LAS1L: variants seen among roughly 807,000 people sequenced by gnomAD.
LAS1L encodes the protein ribosomal biogenesis protein LAS1L.
Under a neutral mutation model 57.3 loss-of-function variants are expected in LAS1L, and 5 were observed. That is an observed-to-expected ratio of 0.09 (90% CI 0.05 to 0.18). The LOEUF is 0.18. Ranked by LOEUF, LAS1L falls within the 10% of genes least tolerant of loss-of-function variation. The pLI is 1.00. For synonymous variants in LAS1L, 245 were observed against 231.7 expected (o/e 1.06, Z -0.52); for missense variants, 360 against 568.3 (o/e 0.63, Z 3.73).
At chrX:65,523,966 C>A in intron 10 of LAS1L, 90 bp downstream of exon 10, 1 of 932,091 alleles carries the variant, frequency 1.1e-6, no homozygotes, top group Non-Finnish European at 1.5e-6. Flanking sequence ...AGGTGTTTGC[C>A]TGGTGCTTCT....
At chrX:65,520,120 C>A (rs777387424) in intron 11 of LAS1L, among the ~76,000 whole-genome samples, 2 of 111,516 alleles carry the variant, frequency 1.8e-5, no homozygotes, top group African/African-American at 6.5e-5. Context: ...CACTAAGGTG[C>A]GGGGGTGATG....
chrX:65,520,637 G>C, intron 11 of LAS1L: 1 of 754,563 alleles, frequency 1.3e-6, no homozygotes, highest in Non-Finnish European at 1.6e-6. Context: ...CTGTGTAACG[G>C]GGTGATTAGG....
Position 65,529,301 on chromosome X carries a change from C to A in LAS1L, c.800-43G>T, listed in dbSNP as rs1204746398. 5 of 1,072,541 alleles carry A rather than the reference C, an allele frequency of 4.7e-6. No individual in the cohort carries two copies. The East Asian group carries it at 1.5e-4, about 32-fold the overall frequency. 88.4% of individuals were successfully genotyped at this position (1,072,541 alleles called of 1,213,427 possible). The stretch of plus-strand genomic sequence containing the variant: ...AGACAGATAGGACTGCCAGCCCAGA[C>A]CCCTTCTCCTGATGGGATTCTGAGC... On this transcript the variant is annotated intron_variant, in intron 5 of 13. Coordinates refer to ENST00000374811, the MANE Select transcript of LAS1L (RefSeq NM_031206.7).
intron 11 of LAS1L, chrX:65,520,348 A>G (rs2068803464): frequency 2.0e-6 from 1 of 493,528 alleles, no homozygotes; most frequent in Admixed American, 9.0e-5. Context: ...TATAATATAT[A>G]ATACTTCCAC....
Position 65,524,992 on chromosome X carries a change from A to G in LAS1L, c.1015T>C (p.Leu339=). Residue 339 remains leucine, a synonymous_variant, in exon 8 of 14, where the codon TTG becomes CTG. Coordinates refer to ENST00000374811, the MANE Select transcript of LAS1L (RefSeq NM_031206.7). ...DGFLVPTFEQ[L]AALQIEYEDG... is the part of the protein sequence containing the mutation. ...TCATATTCTATCTGCAAAGCTGCCA[A>G]CTGTTCAAATGTGGGGACAAGGAAG... 1 of 1,210,224 alleles carries G rather than the reference A, an allele frequency of 8.3e-7. No individual in the cohort carries two copies. Among genetic ancestry groups the G allele is most frequent in the Non-Finnish European group, 1.1e-6 (1 of 894,638 alleles).
intron 2 of LAS1L, among the ~76,000 whole-genome samples, chrX:65,533,246 T>C (rs764273325): frequency 4.6e-5 from 5 of 109,618 alleles, no homozygotes; most frequent in Non-Finnish European, 7.6e-5. Flanking sequence ...CCACATTAAA[T>C]CACAGGCGAG....
chrX:65,529,666 C>A lies in LAS1L; in HGVS notation c.727G>T (p.Asp243Tyr). 8.3e-7 allele frequency: 1 copy of A among 1,211,623 alleles called. No homozygotes were observed. The highest frequency in any genetic ancestry group is 1.1e-6 in the Non-Finnish European group (1 of 895,417). ...TCTTCGCTGCCTTTGCTGTCTCCATCGGCCTTTACATCTGACTCCGTACTT... is the reference window on the plus strand; with the variant it reads ...TCTTCGCTGCCTTTGCTGTCTCCATAGGCCTTTACATCTGACTCCGTACTT... ...GKSTESDVKA[D>Y]GDSKGSEEVD... is the part of the protein sequence containing the mutation. The change falls in exon 5 of 14, where the codon GAT becomes TAT. Residue 243 changes from aspartate to tyrosine, a missense_variant. By Grantham distance (160) the Asp-to-Tyr change is radical. Coordinates refer to ENST00000374811, the MANE Select transcript of LAS1L (RefSeq NM_031206.7).
At chrX:65,515,207 T>C (rs766435983) in intron 12 of LAS1L, among the ~76,000 whole-genome samples, 1 of 111,816 alleles carries the variant, frequency 8.9e-6, no homozygotes, top group African/African-American at 3.2e-5. Flanking sequence ...TATACAAGTA[T>C]ACAACTACAG....
intron 12 of LAS1L, among the ~76,000 whole-genome samples, chrX:65,515,526 TAC>T (rs990114640): frequency 1.4e-4 from 16 of 110,403 alleles, no homozygotes; most frequent in Non-Finnish European, 2.7e-4. Context: ...AATGCAGAGA[TAC>T]ACACACACCC....
chrX:65,517,698 C>T (rs1013160255), intron 12 of LAS1L, among the ~76,000 whole-genome samples: 4 of 112,181 alleles, frequency 3.6e-5, no homozygotes, highest in Admixed American at 9.4e-5. Context: ...CTCCCTACTT[C>T]TTGCTATCTT....
At chrX:65,515,237 C>T (rs2068587515) in intron 12 of LAS1L, among the ~76,000 whole-genome samples, 1 of 111,794 alleles carries the variant, frequency 8.9e-6, no homozygotes. Context: ...TCCCTCTTTG[C>T]TCTTTTCCTA....
In LAS1L at chrX:65,528,267, C is replaced by T; in HGVS notation, c.949G>A (p.Glu317Lys). The change falls in exon 7 of 14, where the codon GAG (glutamate) becomes AAG (lysine). Residue 317 changes from glutamate (E) to lysine (K), a missense_variant. By Grantham distance (56) the Glu-to-Lys change is moderately conservative. Transcript: ENST00000374811. ...GGTTACCTAGTTACACACCTGTTCTCGCATGTAACGCCCTTGAGCTCTGCC... is the reference window on the plus strand; with the variant it reads ...GGTTACCTAGTTACACACCTGTTCTTGCATGTAACGCCCTTGAGCTCTGCC... ...VLAELKGVTCENREAVLDAFL... is the reference protein window; with the variant it reads ...VLAELKGVTCKNREAVLDAFL... The T allele has an allele frequency of 8.5e-7, 1 of 1,179,171 alleles. No individual in the cohort carries two copies. Among genetic ancestry groups the T allele is most frequent in the Non-Finnish European group, 1.2e-6 (1 of 868,636 alleles).
chrX:65,525,765 A>G lies in LAS1L; in HGVS notation c.957-715T>C, dbSNP rs768905078. ...TGATTTTTCAAAAAAAAAAAAAAAA[A>G]AAAGAAAGAAATTGCAACCTCCGGC... On this transcript the variant is annotated intron_variant, in intron 7 of 13. Coordinates refer to ENST00000374811, the MANE Select transcript of LAS1L (RefSeq NM_031206.7). 1.7e-3 allele frequency among the ~76,000 whole-genome samples: 181 copies of G among 107,509 alleles called. 5 individuals are homozygous for G. The highest frequency in any genetic ancestry group is 5.3e-3 in the African/African-American group (150 of 28,087). The allele number at this position is 107,509 out of a possible 115,157, so 93.4% of individuals were successfully genotyped here.
Position 65,518,021 on chromosome X carries a change from T to C in LAS1L, c.1893A>G (p.Gly631=). 1 of 1,209,275 alleles carries C rather than the reference T, an allele frequency of 8.3e-7. No homozygotes were observed. ...CCTGCCATGCAGAGCCCTGCAAAGC[T>C]CCTCTTTTCTGGGCCAGAAGCCTAG... is the stretch of plus-strand genomic sequence containing the variant. ...ENARLLAQKR[G]ALQGSAWQVS... The change falls in exon 12 of 14, where the codon GGA becomes GGG. Residue 631 remains glycine, a synonymous_variant. Coordinates refer to ENST00000374811, the MANE Select transcript of LAS1L (RefSeq NM_031206.7).
intron 7 of LAS1L, 121 bp from the exon 8 acceptor site, chrX:65,525,171 G>A (rs2069060484): frequency 1.9e-6 from 1 of 529,851 alleles, no homozygotes; most frequent in Admixed American, 3.0e-5. Context: ...GCATAGGGAG[G>A]AGGGGTGGTG....
intron 12 of LAS1L, 108 bp from the exon 13 acceptor site, chrX:65,515,081 G>T: frequency 2.7e-6 from 2 of 743,656 alleles, no homozygotes; most frequent in Non-Finnish European, 3.8e-6. Context: ...GCACAGGTGG[G>T]CTCTCTCAGG....
chrX:65,524,736 C>T (rs1017625377), intron 8 of LAS1L, 122 bp from the exon 9 acceptor site: 8 of 463,655 alleles, frequency 1.7e-5, no homozygotes, highest in Admixed American at 6.6e-5. Flanking sequence ...TAAGACTCCC[C>T]GACCCCACCC....
chrX:65,534,647 C>T lies in LAS1L; in HGVS notation c.69G>A (p.Trp23Ter). 1 of 1,192,614 alleles carries T rather than the reference C, an allele frequency of 8.4e-7. No homozygotes were observed. The highest frequency in any genetic ancestry group is 1.1e-6 in the Non-Finnish European group (1 of 885,850). ...CTTTCCCTTTAACGCACTTTCCGTA[C>T]CACGCACTCCACACGAGATCCATCC... ...SQGMDLVWSAWYGKCVKGKGS... is the reference protein window; with the variant it reads ...SQGMDLVWSA The change falls in exon 1 of 14, where the codon TGG becomes TGA. Residue 23 changes from tryptophan (W) to a stop codon, truncating the protein, a stop_gained. Coordinates refer to ENST00000374811, the MANE Select transcript of LAS1L (RefSeq NM_031206.7). LOFTEE classifies it high-confidence loss of function.
intron 11 of LAS1L, chrX:65,521,087 C>T (rs1230997058): frequency 2.7e-6 from 2 of 746,617 alleles, no homozygotes; most frequent in Admixed American, 1.8e-4. Context: ...AGTTCCAACT[C>T]CTGGAAGTCT....
Sources: allele counts gnomAD v4.1 joint callset (sites outside exome capture counted in the v4.1 genomes callset), GRCh38; gene constraint gnomAD v4.1.1; transcripts MANE v1.5; gene names NCBI Gene and HGNC (gene_info 2026-07-23, HGNC 2026-07-21).